CTIF: variants seen among roughly 807,000 people sequenced by gnomAD.
CTIF encodes the protein CBP80/20-dependent translation initiation factor.
CTIF carries 21 observed loss-of-function variants against 66.0 expected under a neutral mutation model. The ratio of observed to expected loss-of-function variants is 0.32; its 90% CI spans 0.23 to 0.46. CTIF has a LOEUF of 0.46. CTIF is among the 20% of genes least tolerant of loss of function. The pLI is 1.00. For missense variants in CTIF, 739 were observed against 812.7 expected (o/e 0.91, Z 1.10); for synonymous variants, 345 against 326.4 (o/e 1.06, Z -0.62).
At chr18:48,848,400 C>T (rs2069127076) in intron 10 of CTIF, among the ~76,000 whole-genome samples, 1 of 152,156 alleles carries the variant, frequency 6.6e-6, no homozygotes, top group Non-Finnish European at 1.5e-5. Context: ...CCAGTCGCTA[C>T]CAAAGGAAGG....
chr18:48,632,696 G>C (rs2090741289), intron 2 of CTIF, among the ~76,000 whole-genome samples: 1 of 152,098 alleles, frequency 6.6e-6, no homozygotes, highest in African/African-American at 2.4e-5. Flanking sequence ...CCCCTCTTGG[G>C]CACCTCACTC....
At chr18:48,806,111 A>C (rs891318131) in intron 9 of CTIF, among the ~76,000 whole-genome samples, 7 of 152,240 alleles carry the variant, frequency 4.6e-5, no homozygotes, top group Non-Finnish European at 1.0e-4. Flanking sequence ...GGGGACAGCC[A>C]GGGAAGCCTC....
At chr18:48,695,430 G>A (rs551713901) in intron 6 of CTIF, among the ~76,000 whole-genome samples, 3 of 152,286 alleles carry the variant, frequency 2.0e-5, no homozygotes, top group African/African-American at 7.2e-5. Context: ...ACTCGCTGCC[G>A]TCAGTGCTGG....
intron 10 of CTIF, among the ~76,000 whole-genome samples, chr18:48,839,349 A>T (rs116399401): frequency 0.018 from 2,725 of 152,130 alleles, 72 homozygotes; most frequent in African/African-American, 0.06. Context: ...GCTGTCCCTG[A>T]GCCTCCTCTC....
chr18:48,561,551 C>T (rs1016458877), intron 1 of CTIF, among the ~76,000 whole-genome samples: 2 of 152,150 alleles, frequency 1.3e-5, no homozygotes, highest in Admixed American at 6.6e-5. Flanking sequence ...GTGCTGGCTG[C>T]TGGGGGCTGC....
At chr18:48,603,849 ATTTTT>A (rs34207687) in intron 1 of CTIF, among the ~76,000 whole-genome samples, 23 of 138,146 alleles carry the variant, frequency 1.7e-4, no homozygotes, top group African/African-American at 4.3e-4. Context: ...ACTCAGTGAA[ATTTTT>A]TTTTTTTTTT....
At chr18:48,658,015 G>C (rs528373605) in intron 3 of CTIF, among the ~76,000 whole-genome samples, 1 of 152,246 alleles carries the variant, frequency 6.6e-6, no homozygotes, top group Admixed American at 6.5e-5. Flanking sequence ...CCAGAACTCA[G>C]GTACAGTCTG....
chr18:48,674,717 A>G (rs907329567), intron 6 of CTIF, among the ~76,000 whole-genome samples: 3 of 152,058 alleles, frequency 2.0e-5, no homozygotes, highest in Admixed American at 1.3e-4. Context: ...CCCCACAAGG[A>G]TGTGGGGCAA....
chr18:48,577,328 G>C (rs975773726), intron 1 of CTIF, among the ~76,000 whole-genome samples: 4 of 152,130 alleles, frequency 2.6e-5, no homozygotes, highest in African/African-American at 9.7e-5. Flanking sequence ...ATCCAGAGAC[G>C]GTGTGTAGGA....
In CTIF at chr18:48,677,885, C is replaced by G. The variant is rs545452237; in HGVS notation, c.507+7141C>G. ...GCCTCCACCACAGAGGCTACCATGA[C>G]TTGAGTGCTGTCTGAGCTGCGGGCT... On this transcript the variant is annotated intron_variant, in intron 6 of 11. Coordinates refer to ENST00000256413, the MANE Select transcript of CTIF (RefSeq NM_014772.3). Among the ~76,000 whole-genome samples the G allele has an allele frequency of 7.5e-4, 114 of 152,324 alleles. 2 individuals carry two copies. The South Asian group carries it at 0.023, about 31-fold the overall frequency.
rs1044414608 is a variant in CTIF at position 48,666,239 on chromosome 18, T to C, written c.431+1688T>C. On this transcript the variant is annotated intron_variant, in intron 5 of 11. Transcript: ENST00000256413. ...CTTTCACTTCAGGTCTAAGTATTAG[T>C]GACTTTACTGGACACTATCCTACAT... Among the ~76,000 whole-genome samples, 4 of 152,186 alleles carry C rather than the reference T, an allele frequency of 2.6e-5. 1 individual carries two copies. In the South Asian group the frequency reaches 8.3e-4, roughly 32 times the overall value.
chr18:48,540,439 T>A (rs914540095), intron 1 of CTIF: 1 of 150,080 alleles, frequency 6.7e-6, no homozygotes. Flanking sequence ...TGCCGGTGCC[T>A]GGATGTGGCC....
intron 6 of CTIF, among the ~76,000 whole-genome samples, chr18:48,675,748 G>A (rs1188111057): frequency 1.3e-5 from 2 of 152,200 alleles, no homozygotes; most frequent in Admixed American, 1.3e-4. Context: ...GCTTCCAGGA[G>A]GGCAGCAGCA....
intron 7 of CTIF, chr18:48,755,758 A>G (rs1341241021): frequency 6.6e-6 from 1 of 152,276 alleles, no homozygotes; most frequent in African/African-American, 2.4e-5. Flanking sequence ...GGCCCAGGGT[A>G]TGCCTAGTCA....
chr18:48,633,549 A>G (rs774645015), intron 2 of CTIF, among the ~76,000 whole-genome samples: 58 of 151,920 alleles, frequency 3.8e-4, no homozygotes, highest in Non-Finnish European at 6.8e-4. Flanking sequence ...TAAAAATACA[A>G]CAATTAGTTG....
At chr18:48,709,634 AAGTGACCT>A (rs985227579) in intron 6 of CTIF, among the ~76,000 whole-genome samples, 7 of 152,278 alleles carry the variant, frequency 4.6e-5, no homozygotes, top group Admixed American at 3.9e-4. Context: ...TGTGTTCCTG[AAGTGACCT>A]GGAGAGGCAG....
In CTIF at chr18:48,624,552, C is replaced by T. The variant is rs140840262; in HGVS notation, c.180+4807C>T. On this transcript the variant is annotated intron_variant, in intron 2 of 11. Coordinates refer to ENST00000256413, the MANE Select transcript of CTIF (RefSeq NM_014772.3). Reference sequence around the variant, plus strand: ...GGAAAATTTTGGCACATGTGATGTTCGTGGATGATCTAGTGGATCACCAGA... The same window carrying T: ...GGAAAATTTTGGCACATGTGATGTTTGTGGATGATCTAGTGGATCACCAGA... Among the ~76,000 whole-genome samples the T allele has an allele frequency of 4.9e-3, 748 of 152,228 alleles. 4 individuals carry two copies. Among genetic ancestry groups the T allele is most frequent in the African/African-American group, 0.015 (628 of 41,524 alleles).
intron 3 of CTIF, among the ~76,000 whole-genome samples, chr18:48,657,750 G>A (rs945563778): frequency 2.0e-5 from 3 of 152,176 alleles, no homozygotes; most frequent in Admixed American, 6.5e-5. Context: ...GTGGGAGGGT[G>A]TGGAGAGAAC....
chr18:48,850,718 A>G (rs12455494), intron 10 of CTIF, among the ~76,000 whole-genome samples: 47,385 of 152,164 alleles, frequency 0.31, 8,425 homozygotes, highest in African/African-American at 0.48. Context: ...GGCCCCCTGG[A>G]AGAGGCAGGC....
Sources: allele counts gnomAD v4.1 joint callset (sites outside exome capture counted in the v4.1 genomes callset), GRCh38; gene constraint gnomAD v4.1.1; transcripts MANE v1.5; gene names NCBI Gene and HGNC (gene_info 2026-07-23, HGNC 2026-07-21).